The following ABCB1 variants were observed in gnomAD, a reference collection of about 807,000 sequenced individuals.
ABCB1 encodes ATP-dependent translocase ABCB1.
In ABCB1, 69 loss-of-function variants were observed where a neutral mutation model predicts 142.0. The ratio of observed to expected loss-of-function variants is 0.49; its 90% confidence interval spans 0.40 to 0.59. The LOEUF is 0.59. Among genes scored for constraint, ABCB1 ranks in the 20% least tolerant of loss-of-function variants. The pLI, the probability that ABCB1 is intolerant of heterozygous loss-of-function variation, is 0.00. For missense variants in ABCB1, 1,326 were observed against 1,554.7 expected, an observed-to-expected ratio of 0.85 and a Z score of 2.47; for synonymous variants, 532 against 539.2, an observed-to-expected ratio of 0.99 and a Z score of 0.18.
chr7:87,613,123 C>T (rs186557277), intron 1 of ABCB1, among the ~76,000 whole-genome samples: 5 of 150,880 alleles, frequency 3.3e-5, no homozygotes, highest in African/African-American at 7.3e-5. Flanking sequence ...GATTTTGTAA[C>T]CTGAGACTTT....
At chr7:87,580,133 T>A (rs543616273) in intron 4 of ABCB1, among the ~76,000 whole-genome samples, 2 of 152,300 alleles carry the variant, frequency 1.3e-5, no homozygotes, top group Admixed American at 1.3e-4. Context: ...TACTTATTAT[T>A]ACCAGTGAGT....
intron 26 of ABCB1, among the ~76,000 whole-genome samples, chr7:87,507,052 G>A (rs141768073): frequency 1.3e-3 from 201 of 152,228 alleles, no homozygotes; most frequent in Non-Finnish European, 1.9e-3. Context: ...AAGGCAGTGC[G>A]GCAGTCTTAC....
chr7:87,626,772 GTC>G lies in ABCB1; in HGVS notation c.-330-25696_-330-25695del, dbSNP rs1314627170. Among the ~76,000 whole-genome samples the G allele has an allele frequency of 2.5e-4, 33 of 133,202 alleles. 1 individual carries two copies. Among genetic ancestry groups the G allele is most frequent in the African/African-American group, 5.6e-4 (20 of 35,584 alleles). 87.4% of individuals were successfully genotyped at this position (133,202 alleles called of 152,430 possible). A position where few individuals can be genotyped will look rare whatever the true frequency, so the allele number is the denominator to read the frequency against. ...TATGTCATATATATGTCATATATAT[GTC>G]AGAGAGAGAGAGAGAGAGAGAGATG... On this transcript the variant is annotated intron_variant, in intron 1 of 28. Transcript: ENST00000265724.
intron 2 of ABCB1, among the ~76,000 whole-genome samples, chr7:87,598,863 C>G (rs1819321715): frequency 6.6e-6 from 1 of 152,136 alleles, no homozygotes; most frequent in Admixed American, 6.5e-5. Flanking sequence ...ACAAGATACT[C>G]CAGGCTCACT....
chr7:87,704,403 G>A (rs1200699861), intron 1 of ABCB1, among the ~76,000 whole-genome samples: 1 of 152,156 alleles, frequency 6.6e-6, no homozygotes, highest in African/African-American at 2.4e-5. Context: ...GAACATAACA[G>A]TGTATTCTAA....
chr7:87,712,493 A>G (rs1036121197), intron 1 of ABCB1, among the ~76,000 whole-genome samples: 2 of 152,080 alleles, frequency 1.3e-5, no homozygotes, highest in Non-Finnish European at 2.9e-5. Context: ...TTCCTATGCA[A>G]GTAGAATATT....
At chr7:87,692,145 T>A (rs1202351083) in intron 1 of ABCB1, among the ~76,000 whole-genome samples, 2 of 152,074 alleles carry the variant, frequency 1.3e-5, no homozygotes, top group Non-Finnish European at 2.9e-5. Context: ...AACAGCTTTT[T>A]AAAAAAATAA....
intron 1 of ABCB1, among the ~76,000 whole-genome samples, chr7:87,698,521 A>G (rs552028118): frequency 9.2e-5 from 14 of 152,358 alleles, no homozygotes; most frequent in Admixed American, 5.2e-4. Flanking sequence ...GTAATCTATC[A>G]TGCAAACACT....
chr7:87,552,079 T>C (rs1323384613), intron 9 of ABCB1, among the ~76,000 whole-genome samples: 1 of 152,222 alleles, frequency 6.6e-6, no homozygotes, highest in African/African-American at 2.4e-5. Context: ...TATGAACATT[T>C]TTTGTTAATT....
intron 1 of ABCB1, among the ~76,000 whole-genome samples, chr7:87,649,413 C>T (rs996811985): frequency 6.6e-6 from 1 of 152,016 alleles, no homozygotes; most frequent in East Asian, 1.9e-4. Flanking sequence ...GGAATTGTGT[C>T]CTAATAAGAT....
intron 4 of ABCB1, among the ~76,000 whole-genome samples, chr7:87,582,352 T>C (rs1472759057): frequency 1.3e-5 from 2 of 152,214 alleles, no homozygotes; most frequent in Non-Finnish European, 2.9e-5. Context: ...TCAGGTGTCC[T>C]TTCTCTCTTT....
chr7:87,669,292 G>A (rs986505998), intron 1 of ABCB1, among the ~76,000 whole-genome samples: 5 of 151,976 alleles, frequency 3.3e-5, no homozygotes, highest in Admixed American at 3.3e-4. Context: ...AATTCAGATT[G>A]CAATCCCTTC....
At position 87,544,129 on chromosome 7, in the gene ABCB1, C is replaced by A. The variant is rs201810761; in HGVS notation, c.2211G>T (p.Gly737=). The change falls in exon 17 of 28, where the codon GGG becomes GGT. Residue 737 remains glycine, a splice_region_variant and synonymous_variant. Coordinates refer to ENST00000622132, the MANE Select transcript of ABCB1 (RefSeq NM_001348946.2). ...TCACACAAATGGGCATCACACTTAC[C>A]CCTATAATCTTTGAAAATATTATTG... ...AFAIIFSKII[G]VFTRIDDPET... is the part of the protein sequence containing the mutation. 2.5e-5 allele frequency: 40 copies of A among 1,613,698 alleles called. No individual in the cohort carries two copies. Among genetic ancestry groups the A allele is most frequent in the Non-Finnish European group, 3.3e-5 (39 of 1,179,868 alleles).
At chr7:87,535,827 A>C (rs1296187669) in intron 20 of ABCB1, among the ~76,000 whole-genome samples, 1 of 152,190 alleles carries the variant, frequency 6.6e-6, no homozygotes, top group Non-Finnish European at 1.5e-5. Flanking sequence ...GAATTTTTTC[A>C]AATTCTACAT....
chr7:87,568,266 T>TAATAATAATAATAATAAAAA (rs377151956), intron 5 of ABCB1, among the ~76,000 whole-genome samples: 3 of 145,644 alleles, frequency 2.1e-5, no homozygotes, highest in African/African-American at 7.7e-5. Context: ...ATAATAATAA[T>TAATAATAATAATAATAAAAA]AAAAATTAGC....
chr7:87,606,811 G>A (rs1314200462), intron 1 of ABCB1, among the ~76,000 whole-genome samples: 1 of 152,002 alleles, frequency 6.6e-6, no homozygotes. Context: ...TATATTAAAA[G>A]TGTATTATTT....
intron 1 of ABCB1, among the ~76,000 whole-genome samples, chr7:87,665,844 G>A (rs1585042480): frequency 6.6e-6 from 1 of 152,084 alleles, no homozygotes. Flanking sequence ...TCTCCAGCTT[G>A]ATCCATGTTG....
chr7:87,535,909 GT>G (rs1256210273), intron 20 of ABCB1, among the ~76,000 whole-genome samples: 1 of 152,126 alleles, frequency 6.6e-6, no homozygotes, highest in Non-Finnish European at 1.5e-5. Flanking sequence ...AAACCTGCTG[GT>G]TCAATAGTAT....
chr7:87,632,041 A>G (rs1351992578), intron 1 of ABCB1, among the ~76,000 whole-genome samples: 2 of 151,966 alleles, frequency 1.3e-5, no homozygotes, highest in Admixed American at 1.3e-4. Context: ...AAACAAAAAT[A>G]TTTTGGACTG....
Sources: allele counts gnomAD v4.1 joint callset (sites outside exome capture counted in the v4.1 genomes callset), GRCh38; gene constraint gnomAD v4.1.1; transcripts MANE v1.5; gene names NCBI Gene and HGNC (gene_info 2026-07-23, HGNC 2026-07-21).